The following GAK variants were observed in gnomAD, a reference collection of about 807,000 sequenced individuals.
GAK encodes the protein cyclin-G-associated kinase.
In GAK, 79 loss-of-function variants were observed where a neutral mutation model predicts 143.9. That is an observed-to-expected ratio of 0.55 (90% CI 0.46 to 0.66). GAK has a LOEUF of 0.66. Ranked by LOEUF, GAK falls within the 30% of genes least tolerant of loss-of-function variation. The probability of loss-of-function intolerance (pLI) is 0.00; values close to 1 mark genes in which losing one functional copy is unlikely to be tolerated. For synonymous variants in GAK, 881 were observed against 765.5 expected, an observed-to-expected ratio of 1.15 and a Z score of -2.49; for missense variants, 1,693 against 1,779.7, an observed-to-expected ratio of 0.95 and a Z score of 0.88.
At chr4:913,231 C>G (rs1362033940) in intron 2 of GAK, among the ~76,000 whole-genome samples, 1 of 152,254 alleles carries the variant, frequency 6.6e-6, no homozygotes, top group Non-Finnish European at 1.5e-5. Flanking sequence ...TACAGACCCT[C>G]CCACAGTGAC....
chr4:904,633 C>T lies in GAK; in HGVS notation c.525+4G>A. The T allele has an allele frequency of 6.3e-7, 1 of 1,575,010 alleles. No homozygotes were observed. Among genetic ancestry groups the T allele is most frequent in the South Asian group, 1.2e-5 (1 of 85,690 alleles). On this transcript the variant is annotated splice_donor_region_variant and intron_variant, in intron 5 of 27. Transcript: ENST00000314167. ...TGGCAGCCGCGTGTGGAGGGAGCCA[C>T]TACCTTGAGGTCCCTGTGGATGATG...
At position 912,783 on chromosome 4, in the gene GAK, G is replaced by A. The variant is rs748202759; in HGVS notation, c.219C>T (p.Ser73=). The change falls in exon 3 of 28, where the codon TCC becomes TCT. Residue 73 remains serine, a synonymous_variant. Transcript: ENST00000314167. The part of the protein sequence containing the change: ...GREYALKRLL[S]NEEEKNRAII... ...TGGCTCTGTTCTTTTCCTCTTCATT[G>A]GATAATAGCCTCTGTATCAGGAAAC... 1.1e-5 allele frequency: 18 copies of A among 1,613,320 alleles called. No homozygotes were observed. The South Asian group carries it at 1.9e-4, about 17-fold the overall frequency.
At position 904,654 on chromosome 4, in the gene GAK, T is replaced by C; in HGVS notation, c.508A>G (p.Ile170Val). 1.3e-6 allele frequency: 2 copies of C among 1,598,950 alleles called. No individual in the cohort carries two copies. The highest frequency in any genetic ancestry group is 1.7e-6 in the Non-Finnish European group (2 of 1,170,830). Residue 170 changes from isoleucine to valine, a missense_variant, in exon 5 of 28, where the codon ATC becomes GTC. Ile to Val is a conservative substitution (Grantham distance 29). This residue lies in a region of GAK where 871 missense variants were observed against 991.0 expected (regional missense o/e 0.88). Transcript: ENST00000314167. ...GCCACTACCTTGAGGTCCCTGTGGA[T>C]GATGGGCGGCTTCTGCCGGTGCATG... is the stretch of plus-strand genomic sequence containing the variant. ...QHMHRQKPPI[I>V]HRDLKVENLL...
At chr4:861,149 C>T (rs1443661144) in intron 23 of GAK, among the ~76,000 whole-genome samples, 2 of 152,160 alleles carry the variant, frequency 1.3e-5, no homozygotes, top group African/African-American at 2.4e-5. Flanking sequence ...CTCAAGCCTC[C>T]CTATTCCCCG....
chr4:865,060 TAG>T, intron 23 of GAK, 60 bp downstream of exon 23: 2 of 1,575,100 alleles, frequency 1.3e-6, no homozygotes, highest in Non-Finnish European at 1.7e-6. Flanking sequence ...ACGTGTGAAA[TAG>T]AGACGGGCCA....
intron 24 of GAK, chr4:852,179 C>T (rs1447006857): frequency 1.8e-5 from 11 of 616,372 alleles, no homozygotes; most frequent in East Asian, 2.8e-5. Context: ...GCTGGGGCGA[C>T]GGGAACACTC....
intron 17 of GAK, 70 bp downstream of exon 17, chr4:877,020 C>G (rs1714063794): frequency 1.9e-6 from 2 of 1,080,652 alleles, no homozygotes; most frequent in South Asian, 1.3e-5. Context: ...AGTGAGCGCA[C>G]TGTGGCCCCC....
chr4:892,844 C>A (rs1234163862), intron 9 of GAK, among the ~76,000 whole-genome samples: 1 of 152,212 alleles, frequency 6.6e-6, no homozygotes. Flanking sequence ...CGCCTGCAAA[C>A]CTCAAGGAGG....
intron 1 of GAK, among the ~76,000 whole-genome samples, chr4:914,731 C>A (rs1722781401): frequency 7.8e-6 from 1 of 128,128 alleles, no homozygotes; most frequent in Non-Finnish European, 1.6e-5. Flanking sequence ...GCACTCAGCC[C>A]CAGCGTGCAA....
intron 11 of GAK, 108 bp from the exon 12 acceptor site, chr4:884,194 G>A: frequency 2.2e-6 from 2 of 904,634 alleles, no homozygotes; most frequent in Non-Finnish European, 3.5e-6. Context: ...GGCTCTCACT[G>A]TAGAGGCCGC....
At position 851,980 on chromosome 4, in the gene GAK, GA is replaced by G. The variant is rs777242797; in HGVS notation, c.3284-7del. On this transcript the variant is annotated splice_polypyrimidine_tract_variant and splice_region_variant and intron_variant, in intron 24 of 27. Coordinates refer to ENST00000314167, the MANE Select transcript of GAK (RefSeq NM_005255.4). ...AGGGAATCCAGCTGGTGAGCCTGTG[GA>G]GATGGAGATCGGAAACTCGGCATCT... 9.9e-6 allele frequency: 16 copies of G among 1,611,672 alleles called. No individual in the cohort carries two copies. The South Asian group carries it at 1.8e-4, about 18-fold the overall frequency.
At chr4:912,816 A>G (rs1722274316) in intron 2 of GAK, 22 bp from the exon 3 acceptor site, 1 of 1,608,080 alleles carries the variant, frequency 6.2e-7, no homozygotes, top group African/African-American at 1.3e-5. Flanking sequence ...AACAGCACAC[A>G]CAAAAGATGA....
At chr4:908,418 C>A (rs1174314905) in intron 4 of GAK, among the ~76,000 whole-genome samples, 1 of 152,180 alleles carries the variant, frequency 6.6e-6, no homozygotes. Flanking sequence ...ATCCCAGCGC[C>A]TCAGGAGGCC....
intron 1 of GAK, among the ~76,000 whole-genome samples, chr4:923,392 G>A (rs572837444): frequency 6.6e-6 from 1 of 152,324 alleles, no homozygotes; most frequent in South Asian, 2.1e-4. Context: ...GCACAGGCCA[G>A]GCACAGTGGC....
At chr4:912,061 G>A (rs1464720985) in intron 3 of GAK, 4 of 483,784 alleles carry the variant, frequency 8.3e-6, no homozygotes, top group East Asian at 1.2e-4. Context: ...TCCATCCCGC[G>A]CGTGGCAGGA....
intron 11 of GAK, chr4:887,923 ATATG>A (rs1486668349): frequency 2.6e-5 from 4 of 152,094 alleles, no homozygotes; most frequent in African/African-American, 9.7e-5. Flanking sequence ...ACATGTTCAC[ATATG>A]TATGTTAACA....
chr4:913,372 A>G (rs968910117), intron 2 of GAK, among the ~76,000 whole-genome samples: 2 of 152,176 alleles, frequency 1.3e-5, no homozygotes, highest in African/African-American at 4.8e-5. Flanking sequence ...CACCCCCAGC[A>G]CAGCCCCTGC....
At chr4:910,848 T>C (rs1401804881) in intron 4 of GAK, among the ~76,000 whole-genome samples, 2 of 152,096 alleles carry the variant, frequency 1.3e-5, no homozygotes, top group African/African-American at 2.4e-5. Flanking sequence ...CCTCGTCACC[T>C]GGCACAGGAG....
chr4:889,754 C>T (rs1459216689), intron 10 of GAK, among the ~76,000 whole-genome samples: 2 of 152,206 alleles, frequency 1.3e-5, no homozygotes, highest in African/African-American at 4.8e-5. Context: ...GCTGCAGACC[C>T]AGCCGCTGCC....
Sources: gnomAD v4.1 joint callset for allele counts (sites outside exome capture counted in the v4.1 genomes callset) on GRCh38, gnomAD v4.1.1 for gene constraint, gnomAD v4.1.1 regional missense constraint, MANE v1.5 for transcripts, NCBI Gene and HGNC (gene_info 2026-07-23, HGNC 2026-07-21) for gene names.